The following IL1RAPL2 variants were observed in gnomAD, a reference collection of about 807,000 sequenced individuals.
The protein encoded by IL1RAPL2 is interleukin 1 receptor accessory protein like 2.
In IL1RAPL2, 3 loss-of-function variants were observed where a neutral mutation model predicts 44.1. The observed-to-expected ratio is 0.07, with a 90% CI of 0.03 to 0.18. IL1RAPL2 has a LOEUF of 0.18. Among genes scored for constraint, IL1RAPL2 ranks in the 10% least tolerant of loss-of-function variants. The pLI, the probability that IL1RAPL2 is intolerant of heterozygous loss-of-function variation, is 1.00. For synonymous variants in IL1RAPL2, 181 were observed against 178.8 expected, an observed-to-expected ratio of 1.01 and a Z score of -0.10; for missense variants, 391 against 496.4, an observed-to-expected ratio of 0.79 and a Z score of 2.02.
chrX:105,318,615 A>T (rs370850618), intron 5 of IL1RAPL2, among the ~76,000 whole-genome samples: 1 of 110,996 alleles, frequency 9.0e-6, no homozygotes, highest in African/African-American at 3.3e-5. Flanking sequence ...TATTGAAAGG[A>T]CTCTGACTTG....
chrX:104,788,148 T>G (rs1430989024), intron 2 of IL1RAPL2, among the ~76,000 whole-genome samples: 2 of 112,330 alleles, frequency 1.8e-5, no homozygotes, highest in Non-Finnish European at 3.8e-5. Context: ...TTCAGGGCTA[T>G]GTAGAAATTT....
At chrX:105,002,736 G>A (rs1037309952) in intron 2 of IL1RAPL2, among the ~76,000 whole-genome samples, 1 of 108,393 alleles carries the variant, frequency 9.2e-6, no homozygotes, top group Non-Finnish European at 1.9e-5. Context: ...TAGGAAATGG[G>A]CAATTTTTCT....
At chrX:104,963,389 T>C (rs1424445462) in intron 2 of IL1RAPL2, among the ~76,000 whole-genome samples, 1 of 112,147 alleles carries the variant, frequency 8.9e-6, no homozygotes, top group Non-Finnish European at 1.9e-5. Flanking sequence ...AGTAATGATA[T>C]TTACATAACA....
At chrX:105,657,844 A>T (rs186806586) in intron 6 of IL1RAPL2, among the ~76,000 whole-genome samples, 1 of 110,286 alleles carries the variant, frequency 9.1e-6, no homozygotes, top group African/African-American at 3.3e-5. Flanking sequence ...TGAACTCCTG[A>T]CCTCAGGTGA....
chrX:104,950,011 C>G (rs1015099057), intron 2 of IL1RAPL2, among the ~76,000 whole-genome samples: 30 of 111,042 alleles, frequency 2.7e-4, no homozygotes, highest in Non-Finnish European at 5.3e-4. Flanking sequence ...CTAATGTTGA[C>G]AGTGGGGTGT....
At chrX:104,848,884 T>C (rs889130171) in intron 2 of IL1RAPL2, among the ~76,000 whole-genome samples, 2 of 111,436 alleles carry the variant, frequency 1.8e-5, no homozygotes, top group Non-Finnish European at 3.8e-5. Context: ...TATGTTTTAG[T>C]ATTTTATCTT....
intron 5 of IL1RAPL2, among the ~76,000 whole-genome samples, chrX:105,324,507 C>T (rs1427563898): frequency 9.0e-6 from 1 of 110,723 alleles, no homozygotes; most frequent in African/African-American, 3.4e-5. Flanking sequence ...CTACATGTCT[C>T]ACAAGTCACT....
At position 104,658,837 on chromosome X, in the gene IL1RAPL2, T is replaced by C. The variant is rs1930330056; in HGVS notation, c.-19-58T>C. The C allele has an allele frequency of 1.3e-5, 10 of 759,289 alleles. No individual in the cohort carries two copies. In the Admixed American group the frequency reaches 2.5e-4, roughly 19 times the overall value. The allele number at this position is 759,289 out of a possible 1,213,427, so 62.6% of individuals were successfully genotyped here. ...GAAAAATGTAAAATTATAGGTGTGG[T>C]TTTGTTGAGGCCAAGATCTGTGGTT... On this transcript the variant is annotated intron_variant, in intron 1 of 10. Coordinates refer to ENST00000372582, the MANE Select transcript of IL1RAPL2 (RefSeq NM_017416.2).
At chrX:104,945,355 A>T (rs1052449806) in intron 2 of IL1RAPL2, among the ~76,000 whole-genome samples, 2 of 111,181 alleles carry the variant, frequency 1.8e-5, no homozygotes, top group African/African-American at 6.5e-5. Context: ...AAATGCCTAA[A>T]ATATTTAGTA....
chrX:104,614,835 TTGTC>T (rs1204025909), intron 1 of IL1RAPL2, among the ~76,000 whole-genome samples: 1 of 111,941 alleles, frequency 8.9e-6, no homozygotes, highest in Non-Finnish European at 1.9e-5. Context: ...TGGTTTCCAT[TTGTC>T]TGATAGATCT....
chrX:104,820,984 G>A (rs5917149), intron 2 of IL1RAPL2, among the ~76,000 whole-genome samples: 38,183 of 110,604 alleles, frequency 0.35, 5,564 homozygotes, highest in East Asian at 0.46. Context: ...TAAGTAAAAT[G>A]TATCAGTCCA....
chrX:104,599,650 G>GCACACACACACA (rs35769134), intron 1 of IL1RAPL2, among the ~76,000 whole-genome samples: 17 of 86,171 alleles, frequency 2.0e-4, no homozygotes, highest in East Asian at 3.8e-4. Flanking sequence ...GATGGATTTA[G>GCACACACACACA]CACACACACA....
chrX:104,632,436 G>A (rs1162765216), intron 1 of IL1RAPL2, among the ~76,000 whole-genome samples: 3 of 111,506 alleles, frequency 2.7e-5, no homozygotes, highest in Non-Finnish European at 5.6e-5. Flanking sequence ...CTTGGACAGT[G>A]TGGCCATTTT....
rs935938736 is a variant in IL1RAPL2 at position 104,830,709 on chromosome X, C to A, written c.82+171714C>A. Among the ~76,000 whole-genome samples, 18 of 111,844 alleles carry A rather than the reference C, an allele frequency of 1.6e-4. 1 individual carries two copies. The Admixed American group carries it at 1.7e-3, about 11-fold the overall frequency. ...GGTGACCATCGTCAATTTACTTAAT[C>A]TCTCTGAATTTCAACTCCTTCTGTC... On this transcript the variant is annotated intron_variant, in intron 2 of 10. Coordinates refer to ENST00000372582, the MANE Select transcript of IL1RAPL2 (RefSeq NM_017416.2).
chrX:105,289,270 G>A (rs2034594945), intron 5 of IL1RAPL2, among the ~76,000 whole-genome samples: 1 of 110,468 alleles, frequency 9.1e-6, no homozygotes, highest in South Asian at 3.9e-4. Context: ...ATCAGATCAT[G>A]TAGGGCTATG....
intron 2 of IL1RAPL2, among the ~76,000 whole-genome samples, chrX:104,865,437 G>A (rs780112284): frequency 1.8e-5 from 2 of 111,671 alleles, no homozygotes; most frequent in Non-Finnish European, 3.8e-5. Flanking sequence ...ATGTGTATGG[G>A]TTCAAGTTGA....
At chrX:104,608,736 T>C (rs1363417953) in intron 1 of IL1RAPL2, among the ~76,000 whole-genome samples, 1 of 105,118 alleles carries the variant, frequency 9.5e-6, no homozygotes, top group Non-Finnish European at 1.9e-5. Context: ...TTTGAGCCTG[T>C]GTGTATCTTT....
chrX:105,382,766 A>C (rs1188409129), intron 5 of IL1RAPL2, among the ~76,000 whole-genome samples: 1 of 106,963 alleles, frequency 9.3e-6, no homozygotes, highest in Non-Finnish European at 1.9e-5. Context: ...GTGCACATAA[A>C]CACCATGGAA....
rs531952377 is a variant in IL1RAPL2, at chrX:105,450,553, G to C, written c.698-33760G>C. On this transcript the variant is annotated intron_variant, in intron 5 of 10. Coordinates refer to ENST00000372582, the MANE Select transcript of IL1RAPL2 (RefSeq NM_017416.2). ...TAAATTTAGACTTTGCTTGTCTGAG[G>C]CTAGCCTCAGCCTCTCAGTTGTCCT... Among the ~76,000 whole-genome samples the C allele has an allele frequency of 5.4e-5, 6 of 111,440 alleles. No individual in the cohort carries two copies. The South Asian group carries it at 2.3e-3, about 43-fold the overall frequency.
Sources: gnomAD v4.1 joint callset for allele counts (sites outside exome capture counted in the v4.1 genomes callset) on GRCh38, gnomAD v4.1.1 for gene constraint, MANE v1.5 for transcripts, NCBI Gene and HGNC (gene_info 2026-07-23, HGNC 2026-07-21) for gene names.